The following PARG variants were observed in gnomAD, a reference collection of about 807,000 sequenced individuals.
PARG encodes the protein mitochondrial poly(ADP-ribose) glycohydrolase.
In PARG, 35 loss-of-function variants were observed where a neutral mutation model predicts 113.0. The ratio of observed to expected loss-of-function variants is 0.31; its 90% CI spans 0.24 to 0.41. PARG has a LOEUF of 0.41. Among genes scored for constraint, PARG ranks in the 10% least tolerant of loss-of-function variants. The pLI, the probability that PARG is intolerant of heterozygous loss-of-function variation, is 1.00. For missense variants in PARG, 797 were observed against 1,169.4 expected (o/e 0.68, Z 4.64); for synonymous variants, 330 against 409.9 (o/e 0.81, Z 2.36).
At position 49,837,069 on chromosome 10, in the gene PARG, G is replaced by T. The variant is rs375761517; in HGVS notation, c.2542-4161C>A. Among the ~76,000 whole-genome samples, 15 of 152,174 alleles carry T rather than the reference G, an allele frequency of 9.9e-5. No homozygotes were observed. The East Asian group carries it at 1.5e-3, about 16-fold the overall frequency. ...ATGATACCCAGCTGATCTCTCACAG[G>T]ATTAAACATTGCTTCACAGTATGAG... On this transcript the variant is annotated intron_variant, in intron 15 of 17. Transcript: ENST00000616448.
chr10:49,821,681 A>G (rs1844090919), intron 16 of PARG, among the ~76,000 whole-genome samples: 1 of 152,150 alleles, frequency 6.6e-6, no homozygotes, highest in Admixed American at 6.6e-5. Context: ...TGCCTGGCCA[A>G]AGAGGGTATC....
intron 7 of PARG, among the ~76,000 whole-genome samples, chr10:49,912,447 G>A (rs1174093969): frequency 2.8e-5 from 4 of 145,114 alleles, no homozygotes; most frequent in East Asian, 2.1e-4. Flanking sequence ...GGCAGATCAC[G>A]AGGTCAAGAG....
At chr10:49,857,638 C>T (rs1388877118) in intron 12 of PARG, among the ~76,000 whole-genome samples, 185 bp from the exon 13 acceptor site, 3 of 150,846 alleles carry the variant, frequency 2.0e-5, no homozygotes, top group African/African-American at 7.3e-5. Flanking sequence ...CAGTTAACAT[C>T]TCTGCACATT....
At chr10:49,907,434 C>A (rs1472561153) in intron 7 of PARG, among the ~76,000 whole-genome samples, 1 of 152,036 alleles carries the variant, frequency 6.6e-6, no homozygotes, top group Non-Finnish European at 1.5e-5. Flanking sequence ...CTAACAGCAC[C>A]CCCTCATATA....
At chr10:49,829,679 C>T (rs1391480067) in intron 16 of PARG, among the ~76,000 whole-genome samples, 1 of 152,172 alleles carries the variant, frequency 6.6e-6, no homozygotes, top group Non-Finnish European at 1.5e-5. Flanking sequence ...CAAAGACTAT[C>T]ACCCACTAGA....
At chr10:49,917,692 C>A (rs1481408660) in intron 6 of PARG, among the ~76,000 whole-genome samples, 1 of 150,376 alleles carries the variant, frequency 6.6e-6, no homozygotes, top group African/African-American at 2.4e-5. Flanking sequence ...TGGTGCGTGC[C>A]TGCAGTCTCA....
At chr10:49,854,532 T>G (rs1389300090) in intron 13 of PARG, among the ~76,000 whole-genome samples, 3 of 151,526 alleles carry the variant, frequency 2.0e-5, no homozygotes, top group Non-Finnish European at 2.9e-5. Context: ...TCTAGAGGGC[T>G]CATGCGTGCC....
chr10:49,841,469 A>C (rs1554832281), intron 15 of PARG, among the ~76,000 whole-genome samples: 1 of 152,210 alleles, frequency 6.6e-6, no homozygotes, highest in Non-Finnish European at 1.5e-5. Context: ...AAAAAAGAAA[A>C]AAATGAATAT....
intron 4 of PARG, among the ~76,000 whole-genome samples, chr10:49,927,632 G>T (rs1367815478): frequency 2.0e-5 from 3 of 152,078 alleles, no homozygotes; most frequent in African/African-American, 7.2e-5. Flanking sequence ...TTGTGTCACG[G>T]AGCCAAAGGA....
At chr10:49,904,671 T>C (rs1486229504) in intron 7 of PARG, among the ~76,000 whole-genome samples, 1 of 151,486 alleles carries the variant, frequency 6.6e-6, no homozygotes, top group Non-Finnish European at 1.5e-5. Context: ...TCCCAGCACT[T>C]TGGGAGGCCC....
chr10:49,913,539 C>G (rs1837310257), intron 7 of PARG, among the ~76,000 whole-genome samples: 1 of 152,164 alleles, frequency 6.6e-6, no homozygotes, highest in African/African-American at 2.4e-5. Flanking sequence ...AAGAATACAA[C>G]AAGAAATAAA....
intron 16 of PARG, among the ~76,000 whole-genome samples, chr10:49,829,796 C>T (rs1588867981): frequency 6.6e-6 from 1 of 152,288 alleles, no homozygotes; most frequent in Middle Eastern, 3.4e-3. Context: ...GTTTATATGG[C>T]ATACATTGGG....
intron 6 of PARG, among the ~76,000 whole-genome samples, chr10:49,919,469 T>G (rs189451892): frequency 2.4e-3 from 366 of 152,044 alleles, no homozygotes; most frequent in East Asian, 0.019. Context: ...ATAGAAAAAA[T>G]AGTGAAAAGA....
chr10:49,938,470 G>A (rs1173110545), intron 1 of PARG, among the ~76,000 whole-genome samples: 3 of 152,074 alleles, frequency 2.0e-5, no homozygotes, highest in African/African-American at 7.2e-5. Flanking sequence ...GGCACAAAAC[G>A]CAATAAAATT....
rs782360142 is a variant in PARG at position 49,843,908 on chromosome 10, CCAG to C, written c.2354-279_2354-277del. ...GGCGCAGTGGCTCATGCCTGTAATC[CCAG>C]AGGCGGGTGGATTACCTAAAGTCAG... is the stretch of plus-strand genomic sequence containing the variant. On this transcript the variant is annotated intron_variant, in intron 13 of 17. Transcript: ENST00000616448. 5.3e-5 allele frequency among the ~76,000 whole-genome samples: 8 copies of C among 151,960 alleles called. No individual in the cohort carries two copies. In the East Asian group the frequency reaches 5.8e-4, roughly 11 times the overall value.
chr10:49,869,934 A>G (rs1554837604), intron 9 of PARG, among the ~76,000 whole-genome samples: 1 of 152,282 alleles, frequency 6.6e-6, no homozygotes, highest in African/African-American at 2.4e-5. Context: ...TAGTTTGATA[A>G]GTAACAAAAA....
chr10:49,822,490 G>T (rs1275867233), intron 16 of PARG, among the ~76,000 whole-genome samples: 2 of 152,050 alleles, frequency 1.3e-5, no homozygotes, highest in African/African-American at 2.4e-5. Flanking sequence ...AAAACAAAAC[G>T]AAACAAAAAA....
intron 10 of PARG, among the ~76,000 whole-genome samples, chr10:49,865,701 A>C (rs1450694681): frequency 6.7e-6 from 1 of 150,120 alleles, no homozygotes; most frequent in Non-Finnish European, 1.5e-5. Flanking sequence ...GAAGCTGAAT[A>C]CACTTTTTTT....
At chr10:49,925,905 C>A (rs1352975914) in intron 4 of PARG, among the ~76,000 whole-genome samples, 1 of 152,252 alleles carries the variant, frequency 6.6e-6, no homozygotes, top group Non-Finnish European at 1.5e-5. Flanking sequence ...CTTGGCCAGT[C>A]GCCATGAGAG....
Sources: gnomAD v4.1 joint callset for allele counts (sites outside exome capture counted in the v4.1 genomes callset) on GRCh38, gnomAD v4.1.1 for gene constraint, MANE v1.5 for transcripts, NCBI Gene and HGNC (gene_info 2026-07-23, HGNC 2026-07-21) for gene names.